The following RSRC1 variants were observed in gnomAD, a reference collection of about 807,000 sequenced individuals.
RSRC1 encodes the protein serine/Arginine-related protein 53.
In RSRC1, 39 loss-of-function variants were observed where a neutral mutation model predicts 49.1. The ratio of observed to expected loss-of-function variants is 0.79; its 90% CI spans 0.61 to 1.04. The LOEUF (loss-of-function observed/expected upper bound fraction) is 1.04, where lower values mean the gene tolerates loss of function less well. RSRC1 is among the 50% of genes least tolerant of loss of function. The pLI, the probability that RSRC1 is intolerant of heterozygous loss-of-function variation, is 0.00. For synonymous variants in RSRC1, 143 were observed against 130.8 expected, an observed-to-expected ratio of 1.09 and a Z score of -0.63; for missense variants, 388 against 402.4, an observed-to-expected ratio of 0.96 and a Z score of 0.31.
At chr3:158,430,483 C>CT (rs1394169128) in intron 6 of RSRC1, among the ~76,000 whole-genome samples, 1 of 151,726 alleles carries the variant, frequency 6.6e-6, no homozygotes, top group Non-Finnish European at 1.5e-5. Flanking sequence ...AAGGTGGGTA[C>CT]TAACCTCAGA....
chr3:158,189,159 A>G (rs1360413162), intron 3 of RSRC1, among the ~76,000 whole-genome samples: 1 of 151,836 alleles, frequency 6.6e-6, no homozygotes, highest in African/African-American at 2.4e-5. Context: ...TTTCTTCCTT[A>G]ATTGCACTAT....
At chr3:158,155,288 A>G (rs578169760) in intron 3 of RSRC1, among the ~76,000 whole-genome samples, 2 of 152,366 alleles carry the variant, frequency 1.3e-5, no homozygotes, top group East Asian at 3.9e-4. Flanking sequence ...TTTCTTAAAT[A>G]GTAACACTTG....
intron 3 of RSRC1, among the ~76,000 whole-genome samples, chr3:158,177,285 T>G (rs1372248837): frequency 6.6e-6 from 1 of 152,192 alleles, no homozygotes; most frequent in African/African-American, 2.4e-5. Flanking sequence ...AGCAATCCCA[T>G]TTCTGCATAT....
chr3:158,496,362 C>G (rs1739321301), intron 7 of RSRC1, among the ~76,000 whole-genome samples: 1 of 152,048 alleles, frequency 6.6e-6, no homozygotes. Flanking sequence ...TTCAGGGGGT[C>G]TGAGATAGGG....
At chr3:158,483,980 T>C (rs1031346277) in intron 7 of RSRC1, among the ~76,000 whole-genome samples, 1 of 152,174 alleles carries the variant, frequency 6.6e-6, no homozygotes, top group Non-Finnish European at 1.5e-5. Flanking sequence ...TGTGTCTCAC[T>C]GAAATCTGTG....
At chr3:158,502,220 G>C (rs1267833682) in intron 7 of RSRC1, among the ~76,000 whole-genome samples, 1 of 152,178 alleles carries the variant, frequency 6.6e-6, no homozygotes, top group Non-Finnish European at 1.5e-5. Flanking sequence ...TAGGGTTTCT[G>C]CTGATAAATC....
intron 3 of RSRC1, among the ~76,000 whole-genome samples, chr3:158,135,753 C>G (rs1716335734): frequency 6.6e-6 from 1 of 152,134 alleles, no homozygotes; most frequent in Non-Finnish European, 1.5e-5. Flanking sequence ...TGTGATCTGA[C>G]TCCTTCCTGC....
Position 158,152,538 on chromosome 3 carries a change from G to A in RSRC1, c.320+28547G>A, listed in dbSNP as rs148752374. Among the ~76,000 whole-genome samples, 1,349 of 152,182 alleles carry A rather than the reference G, an allele frequency of 8.9e-3. 14 individuals are homozygous for A. Among genetic ancestry groups the A allele is most frequent in the African/African-American group, 0.031 (1,278 of 41,496 alleles). On this transcript the variant is annotated intron_variant, in intron 3 of 9. Transcript: ENST00000611884. ...TGAAAGTATTTTGAAAATAATAAAA[G>A]CTGTACCAATAAAGTTGATATTGTT...
intron 3 of RSRC1, among the ~76,000 whole-genome samples, chr3:158,149,765 A>G (rs1717408154): frequency 6.6e-6 from 1 of 152,174 alleles, no homozygotes. Context: ...CCAAGGGGGC[A>G]TGGCTATCAA....
intron 6 of RSRC1, among the ~76,000 whole-genome samples, chr3:158,373,467 CA>C (rs1407322217): frequency 6.6e-6 from 1 of 151,828 alleles, no homozygotes; most frequent in Admixed American, 6.6e-5. Flanking sequence ...AATGCCTTTT[CA>C]GTATCTATAT....
intron 4 of RSRC1, among the ~76,000 whole-genome samples, chr3:158,259,971 G>T (rs1724796333): frequency 6.6e-6 from 1 of 152,032 alleles, no homozygotes. Flanking sequence ...CTCTCTTCAG[G>T]TAAGTTGGGT....
chr3:158,218,956 C>G (rs576316516), intron 4 of RSRC1, among the ~76,000 whole-genome samples: 3 of 151,736 alleles, frequency 2.0e-5, no homozygotes, highest in African/African-American at 7.2e-5. Flanking sequence ...GGAAGCCAGA[C>G]ACACAAATAA....
At chr3:158,536,083 C>G (rs755598356) in intron 7 of RSRC1, among the ~76,000 whole-genome samples, 1 of 151,328 alleles carries the variant, frequency 6.6e-6, no homozygotes, top group Non-Finnish European at 1.5e-5. Context: ...GTCAGACTGA[C>G]TCACCTTGTC....
At position 158,148,388 on chromosome 3, in the gene RSRC1, C is replaced by T. The variant is rs763641647; in HGVS notation, c.320+24397C>T. On this transcript the variant is annotated intron_variant, in intron 3 of 9. Coordinates refer to ENST00000611884, the MANE Select transcript of RSRC1 (RefSeq NM_001271838.2). ...GTGCGTGTGTGTGTGTGTGTGTATG[C>T]GGCACATGAGGTGTAACTGGAAGCC... Among the ~76,000 whole-genome samples the T allele has an allele frequency of 3.5e-5, 5 of 142,348 alleles. 1 individual carries two copies. The highest frequency in any genetic ancestry group is 2.2e-4 in the South Asian group (1 of 4,604). 93.4% of individuals were successfully genotyped at this position (142,348 alleles called of 152,430 possible). A position where few individuals can be genotyped will look rare whatever the true frequency, so the allele number is the denominator to read the frequency against.
intron 6 of RSRC1, among the ~76,000 whole-genome samples, chr3:158,398,340 A>G (rs562350355): frequency 6.6e-6 from 1 of 152,134 alleles, no homozygotes; most frequent in South Asian, 2.1e-4. Context: ...CCAGGAGGCT[A>G]GAAGTCCAAG....
chr3:158,470,243 T>C (rs1738069338), intron 7 of RSRC1, among the ~76,000 whole-genome samples: 4 of 151,524 alleles, frequency 2.6e-5, no homozygotes, highest in African/African-American at 9.7e-5. Context: ...CTCTTAGAGG[T>C]TTAGAGTGGG....
At chr3:158,316,560 T>G (rs1322971772) in intron 5 of RSRC1, among the ~76,000 whole-genome samples, 3 of 147,516 alleles carry the variant, frequency 2.0e-5, no homozygotes, top group Non-Finnish European at 4.5e-5. Context: ...TTCTCCTGCC[T>G]CAGCCTCCCG....
At chr3:158,432,773 G>A (rs988809860) in intron 6 of RSRC1, among the ~76,000 whole-genome samples, 3 of 151,838 alleles carry the variant, frequency 2.0e-5, no homozygotes, top group South Asian at 2.1e-4. Context: ...CATAATATCA[G>A]GCATTATATC....
chr3:158,416,012 C>T (rs1298592623), intron 6 of RSRC1, among the ~76,000 whole-genome samples: 1 of 151,938 alleles, frequency 6.6e-6, no homozygotes, highest in Non-Finnish European at 1.5e-5. Flanking sequence ...TATGTGGCTA[C>T]ATTTTTTATT....
Sources: gnomAD v4.1 joint callset for allele counts (sites outside exome capture counted in the v4.1 genomes callset) on GRCh38, gnomAD v4.1.1 for gene constraint, MANE v1.5 for transcripts, NCBI Gene and HGNC (gene_info 2026-07-23, HGNC 2026-07-21) for gene names.